CERS4: variants seen among roughly 807,000 people sequenced by gnomAD.
The protein encoded by CERS4 is LAG1 homolog, ceramide synthase 4.
Under a neutral mutation model 51.8 loss-of-function variants are expected in CERS4, and 65 were observed. The ratio of observed to expected loss-of-function variants is 1.26; its 90% CI spans 1.03 to 1.54. The LOEUF is 1.54. CERS4 is among the 40% of genes most tolerant of loss of function. The probability of loss-of-function intolerance (pLI) is 0.00; values close to 1 mark genes in which losing one functional copy is unlikely to be tolerated. For synonymous variants in CERS4, 228 were observed against 208.4 expected, an observed-to-expected ratio of 1.09 and a Z score of -0.81; for missense variants, 563 against 500.4, an observed-to-expected ratio of 1.13 and a Z score of -1.19.
chr19:8,221,443 A>G (rs1371802860), intron 2 of CERS4, among the ~76,000 whole-genome samples: 1 of 152,126 alleles, frequency 6.6e-6, no homozygotes, highest in Non-Finnish European at 1.5e-5. Context: ...CGTGATGCCA[A>G]TGCTGGCTTG....
At position 8,256,948 on chromosome 19, in the gene CERS4, G is replaced by T. The variant is rs758155060; in HGVS notation, c.613-1G>T. Reference sequence around the variant, plus strand: ...CCACTATGACCCACCGTCTACTGCAGGATTTCAAGGAGCAGGTGATACACC... The same window carrying T: ...CCACTATGACCCACCGTCTACTGCATGATTTCAAGGAGCAGGTGATACACC... On this transcript the variant is annotated splice_acceptor_variant, in intron 8 of 11. Transcript: ENST00000251363. LOFTEE classifies it high-confidence loss of function. 8 of 1,614,166 alleles carry T rather than the reference G, an allele frequency of 5.0e-6. No individual in the cohort carries two copies. In the South Asian group the frequency reaches 8.8e-5, roughly 18 times the overall value.
intron 2 of CERS4, among the ~76,000 whole-genome samples, chr19:8,232,552 A>G (rs982708372): frequency 1.3e-5 from 2 of 152,000 alleles, no homozygotes; most frequent in Non-Finnish European, 2.9e-5. Context: ...TCGGCCTCCC[A>G]AAGTGCTGGG....
intron 10 of CERS4, among the ~76,000 whole-genome samples, chr19:8,260,533 GA>G (rs33924278): frequency 8.2e-5 from 12 of 146,122 alleles, no homozygotes; most frequent in Non-Finnish European, 7.5e-5. Flanking sequence ...GAGTTCCAAG[GA>G]AAAAAAAAAG....
At chr19:8,221,876 T>A (rs1188177792) in intron 2 of CERS4, among the ~76,000 whole-genome samples, 3 of 87,616 alleles carry the variant, frequency 3.4e-5, no homozygotes, top group African/African-American at 8.9e-5. Context: ...TTTTATGTTT[T>A]TTTTTTTTTT....
chr19:8,222,670 G>A (rs1219447905), intron 2 of CERS4, among the ~76,000 whole-genome samples: 1 of 151,684 alleles, frequency 6.6e-6, no homozygotes, highest in Admixed American at 6.6e-5. Context: ...GGCTAATTTT[G>A]TATTTTTGGT....
intron 2 of CERS4, among the ~76,000 whole-genome samples, chr19:8,236,247 C>A (rs905825786): frequency 6.6e-6 from 1 of 152,168 alleles, no homozygotes; most frequent in Non-Finnish European, 1.5e-5. Context: ...TGTCCTATTT[C>A]ATGACTTGTC....
At chr19:8,211,383 A>G (rs1599497517) in intron 2 of CERS4, among the ~76,000 whole-genome samples, 1 of 151,758 alleles carries the variant, frequency 6.6e-6, no homozygotes, top group African/African-American at 2.4e-5. Flanking sequence ...CTTGAGCCTG[A>G]CCACCCCCCA....
At chr19:8,243,616 C>T (rs969286717) in intron 2 of CERS4, among the ~76,000 whole-genome samples, 4 of 151,292 alleles carry the variant, frequency 2.6e-5, no homozygotes, top group African/African-American at 9.7e-5. Context: ...TAGCATGGTA[C>T]TTAGCCTGCC....
At chr19:8,256,414 T>G (rs1352258757) in intron 7 of CERS4, 128 bp downstream of exon 7, 116 of 1,155,612 alleles carry the variant, frequency 1.0e-4, no homozygotes, top group Non-Finnish European at 1.3e-4. Context: ...CGCTCTTTGA[T>G]TCCTCTGGGG....
chr19:8,215,011 G>T (rs916763513), intron 2 of CERS4, among the ~76,000 whole-genome samples: 14 of 92,882 alleles, frequency 1.5e-4, no homozygotes, highest in African/African-American at 5.5e-4. Flanking sequence ...GGAGGAGGAG[G>T]AGAAAAAGGA....
intron 9 of CERS4, 137 bp downstream of exon 9, chr19:8,257,214 C>A (rs1599594406): frequency 2.2e-6 from 2 of 899,606 alleles, no homozygotes; most frequent in Non-Finnish European, 3.4e-6. Flanking sequence ...GGTGATGAGG[C>A]CCTGCCCCCT....
intron 10 of CERS4, among the ~76,000 whole-genome samples, chr19:8,259,855 A>T (rs529663002): frequency 2.0e-5 from 3 of 152,222 alleles, no homozygotes; most frequent in East Asian, 1.9e-4. Flanking sequence ...ATGGACAGAG[A>T]GTCTCAGTCC....
At position 8,261,747 on chromosome 19, in the gene CERS4, ACTT is replaced by A. The variant is rs774352431; in HGVS notation, c.913_915del (p.Phe305del). 1.9e-4 allele frequency: 310 copies of A among 1,614,014 alleles called. No individual in the cohort carries two copies. Among genetic ancestry groups the A allele is most frequent in the Admixed American group, 8.7e-4 (52 of 60,002 alleles). On this transcript the variant is annotated inframe_deletion, in exon 11 of 12. Transcript: ENST00000251363. ...AACAGGGGCCCCTTCTTCGGCTACT[ACTT>A]CTTCAACGGGCTTCTGATGTTGCTG...
Position 8,257,859 on chromosome 19 carries a change from C to T in CERS4, c.742-20C>T. The T allele has an allele frequency of 6.2e-7, 1 of 1,601,742 alleles. No individual in the cohort carries two copies. The highest frequency in any genetic ancestry group is 8.6e-7 in the Non-Finnish European group (1 of 1,169,364). On this transcript the variant is annotated intron_variant, in intron 9 of 11. Transcript: ENST00000251363. The stretch of plus-strand genomic sequence containing the variant: ...CAGGGCCCTGGTCCTGAGCCCATTT[C>T]TCCCTGCTGCCCTTTCCAGGCCTGT...
Position 8,250,802 on chromosome 19 carries a change from A to C in CERS4, c.-1-274A>C, listed in dbSNP as rs573708247. 23 of 1,187,774 alleles carry C rather than the reference A, an allele frequency of 1.9e-5. No individual in the cohort carries two copies. The South Asian group carries it at 6.8e-4, about 35-fold the overall frequency. The allele number at this position is 1,187,774 out of a possible 1,614,324, so 73.6% of individuals were successfully genotyped here. ...ACTTGAGGTTCAGAGAGGTCAAGTC[A>C]TTTGCCTGAGGACACACAGCCCAAC... is the stretch of plus-strand genomic sequence containing the variant. On this transcript the variant is annotated intron_variant, in intron 2 of 11. Coordinates refer to ENST00000251363, the MANE Select transcript of CERS4 (RefSeq NM_024552.3).
rs377703774 is a variant in CERS4, at chr19:8,262,136, GC to G, written c.*34del. ...CGGGCGGGGCTGGCTGTAAGGGGTT[GC>G]CCCCCCGCCAGTGCCTTGGATATTT... On this transcript the variant is annotated 3_prime_UTR_variant, in exon 12 of 12. Coordinates refer to ENST00000251363, the MANE Select transcript of CERS4 (RefSeq NM_024552.3). The G allele has an allele frequency of 5.0e-5, 72 of 1,428,226 alleles. No homozygotes were observed. The highest frequency in any genetic ancestry group is 5.7e-5 in the Non-Finnish European group (62 of 1,093,898). The allele number at this position is 1,428,226 out of a possible 1,614,324, so 88.5% of individuals were successfully genotyped here. A position where few individuals can be genotyped will look rare whatever the true frequency, so the allele number is the denominator to read the frequency against.
intron 2 of CERS4, among the ~76,000 whole-genome samples, chr19:8,235,921 C>T (rs11669485): frequency 0.39 from 58,232 of 150,412 alleles, 11,554 homozygotes; most frequent in Non-Finnish European, 0.43. Context: ...ACAGGCCGGG[C>T]GCGGTGGCTC....
At chr19:8,230,029 C>T (rs1252443243) in intron 2 of CERS4, among the ~76,000 whole-genome samples, 1 of 151,936 alleles carries the variant, frequency 6.6e-6, no homozygotes, top group Non-Finnish European at 1.5e-5. Flanking sequence ...TCTGGCCTTA[C>T]AGCCTTCTTC....
chr19:8,249,311 G>A (rs953079478), intron 2 of CERS4, among the ~76,000 whole-genome samples: 2 of 152,094 alleles, frequency 1.3e-5, no homozygotes, highest in African/African-American at 2.4e-5. Flanking sequence ...ACGAATGAAC[G>A]AACAAACTTT....
Sources: allele counts gnomAD v4.1 joint callset (sites outside exome capture counted in the v4.1 genomes callset), GRCh38; gene constraint gnomAD v4.1.1; transcripts MANE v1.5; gene names NCBI Gene and HGNC (gene_info 2026-07-23, HGNC 2026-07-21).